Variants in GAS7 observed in about 807,000 individuals in gnomAD.
GAS7 encodes the protein growth arrest specific 7, also known as growth arrest-specific protein 7.
GAS7 carries 28 observed loss-of-function variants against 71.1 expected under a neutral mutation model. That is an observed-to-expected ratio of 0.39 (90% CI 0.29 to 0.54). The LOEUF (loss-of-function observed/expected upper bound fraction) is 0.54. GAS7 is among the 20% of genes least tolerant of loss of function. GAS7 has a pLI of 0.62. For synonymous variants in GAS7, 258 were observed against 245.8 expected (o/e 1.05, Z -0.46); for missense variants, 436 against 627.8 (o/e 0.69, Z 3.27).
chr17:10,123,760 C>T (rs2073923140), intron 1 of GAS7, among the ~76,000 whole-genome samples: 1 of 152,202 alleles, frequency 6.6e-6, no homozygotes, highest in African/African-American at 2.4e-5. Context: ...GGAATCAAGG[C>T]AGGGAGGTTG....
Position 9,981,534 on chromosome 17 carries a change from G to C in GAS7, c.385+270C>G, listed in dbSNP as rs1181597551. Among the ~76,000 whole-genome samples, 1 of 152,090 alleles carries C rather than the reference G, an allele frequency of 6.6e-6. No homozygotes were observed. The highest frequency in any genetic ancestry group is 1.9e-4 in the East Asian group (1 of 5,162). On this transcript the variant is annotated intron_variant, in intron 3 of 13. Coordinates refer to ENST00000432992, the MANE Select transcript of GAS7 (RefSeq NM_201433.2). The surrounding 1 kb of genome is among the most constrained non-coding windows in gnomAD (Gnocchi z 4.4). ...CTTCCTGCCCCTGACAGACAGGAAA[G>C]AGCTCTGACACCTCACCTCCCCCAG... is the stretch of plus-strand genomic sequence containing the variant.
intron 1 of GAS7, among the ~76,000 whole-genome samples, chr17:10,071,989 G>C (rs993980311): frequency 6.6e-6 from 1 of 151,748 alleles, no homozygotes; most frequent in Non-Finnish European, 1.5e-5. Context: ...GTTGTCTCTT[G>C]AAAAGTCAGG....
intron 1 of GAS7, among the ~76,000 whole-genome samples, chr17:10,057,805 A>G (rs928967233): frequency 1.6e-4 from 25 of 152,276 alleles, no homozygotes; most frequent in Non-Finnish European, 3.5e-4. Context: ...TGTCGAATAG[A>G]AAAGGGGGAA....
chr17:9,934,292 C>A, intron 8 of GAS7, 48 bp from the exon 9 acceptor site: 1 of 1,329,866 alleles, frequency 7.5e-7, no homozygotes, highest in Non-Finnish European at 1.1e-6. Flanking sequence ...AAAGCCCTTC[C>A]TGAGGCAGGA....
chr17:10,161,539 T>A (rs1016020280), intron 1 of GAS7, among the ~76,000 whole-genome samples: 1 of 152,212 alleles, frequency 6.6e-6, no homozygotes, highest in Non-Finnish European at 1.5e-5. Flanking sequence ...GATTTTACCA[T>A]GTCAACGGGA....
Position 9,981,852 on chromosome 17 carries a change from CAGG to C in GAS7, c.334_336del (p.Pro112del). 16 of 1,605,388 alleles carry C rather than the reference CAGG, an allele frequency of 1.0e-5. No homozygotes were observed. The highest frequency in any genetic ancestry group is 1.4e-5 in the Non-Finnish European group (16 of 1,172,010). On this transcript the variant is annotated inframe_deletion, in exon 3 of 14. Transcript: ENST00000432992. The surrounding 1 kb of genome is among the most constrained non-coding windows in gnomAD (Gnocchi z 4.4). Reference sequence around the variant, plus strand: ...TGAGAGCCAGGGCTGGCTGGAATCCCAGGAGAACTGCTGGGACGTTCCCAGGTG... The same window carrying C: ...TGAGAGCCAGGGCTGGCTGGAATCCCAGAACTGCTGGGACGTTCCCAGGTG...
At chr17:10,133,688 C>G (rs62066706) in intron 1 of GAS7, among the ~76,000 whole-genome samples, 2 of 152,100 alleles carry the variant, frequency 1.3e-5, no homozygotes, top group South Asian at 4.1e-4. Context: ...ATTCCCCACC[C>G]GCAACCCATA....
intron 2 of GAS7, among the ~76,000 whole-genome samples, chr17:10,002,773 G>A (rs2071318101): frequency 6.6e-6 from 1 of 152,188 alleles, no homozygotes; most frequent in African/African-American, 2.4e-5. Flanking sequence ...GTATTCCATG[G>A]TGTATATGTG....
chr17:10,000,801 C>T (rs1449451078), intron 2 of GAS7, among the ~76,000 whole-genome samples: 1 of 152,202 alleles, frequency 6.6e-6, no homozygotes, highest in Non-Finnish European at 1.5e-5. Context: ...CAAGGCTTTG[C>T]GTCTGCTCTG....
At chr17:10,099,238 A>G (rs2073673902) in intron 1 of GAS7, among the ~76,000 whole-genome samples, 1 of 151,956 alleles carries the variant, frequency 6.6e-6, no homozygotes, top group African/African-American at 2.4e-5. Context: ...CCACCCATTT[A>G]CCAAACAGCG....
At chr17:10,143,613 C>G (rs1410230811) in intron 1 of GAS7, among the ~76,000 whole-genome samples, 1 of 150,970 alleles carries the variant, frequency 6.6e-6, no homozygotes, top group East Asian at 1.9e-4. Context: ...GGTCCTAATC[C>G]AACATGCCTG....
At chr17:9,967,135 C>G (rs1230711340) in intron 4 of GAS7, among the ~76,000 whole-genome samples, 1 of 151,626 alleles carries the variant, frequency 6.6e-6, no homozygotes, top group Non-Finnish European at 1.5e-5. Context: ...CAGAGCTCGC[C>G]TCTCCTGAAT....
intron 1 of GAS7, among the ~76,000 whole-genome samples, chr17:10,070,210 C>T (rs186707087): frequency 6.6e-6 from 1 of 152,110 alleles, no homozygotes; most frequent in East Asian, 1.9e-4. Flanking sequence ...TTTGTTCCAT[C>T]TCCTTCCTCT....
intron 5 of GAS7, among the ~76,000 whole-genome samples, chr17:9,947,970 C>T (rs933762489): frequency 5.9e-5 from 9 of 152,178 alleles, no homozygotes; most frequent in African/African-American, 2.2e-4. Flanking sequence ...GGATGACCCA[C>T]TTCCACTTAA....
intron 1 of GAS7, among the ~76,000 whole-genome samples, chr17:10,091,934 A>T (rs1165721263): frequency 4.6e-5 from 7 of 151,208 alleles, no homozygotes; most frequent in Non-Finnish European, 8.8e-5. Flanking sequence ...AGCCATCATG[A>T]AACTTTTTGT....
chr17:9,982,027 C>T, intron 2 of GAS7, 143 bp from the exon 3 acceptor site: 2 of 612,028 alleles, frequency 3.3e-6, no homozygotes, highest in South Asian at 1.9e-5. Context: ...CCAGACAGGA[C>T]CCTGCTTTCT....
chr17:10,057,623 G>A (rs1310737065), intron 1 of GAS7, among the ~76,000 whole-genome samples: 2 of 151,188 alleles, frequency 1.3e-5, no homozygotes, highest in African/African-American at 4.9e-5. Flanking sequence ...CGTCTGGGAG[G>A]GAGGTGGGGA....
intron 1 of GAS7, among the ~76,000 whole-genome samples, chr17:10,119,580 T>C (rs141688042): frequency 6.6e-6 from 1 of 152,330 alleles, no homozygotes; most frequent in African/African-American, 2.4e-5. Flanking sequence ...TCTCTCCTCC[T>C]TCCTCTCCCA....
At chr17:10,189,370 T>C (rs1597844581) in intron 1 of GAS7, among the ~76,000 whole-genome samples, 1 of 152,270 alleles carries the variant, frequency 6.6e-6, no homozygotes, top group East Asian at 1.9e-4. Context: ...TTCAAATCCA[T>C]TCTCCACCCT....
Sources: allele counts gnomAD v4.1 joint callset (sites outside exome capture counted in the v4.1 genomes callset), GRCh38; gene constraint gnomAD v4.1.1; non-coding constraint Gnocchi (gnomAD v3.1); transcripts MANE v1.5; gene names NCBI Gene and HGNC (gene_info 2026-07-23, HGNC 2026-07-21).